Variants in GAK observed in about 807,000 individuals in gnomAD.
GAK encodes cyclin G associated kinase.
In GAK, 79 loss-of-function variants were observed where a neutral mutation model predicts 143.9. The ratio of observed to expected loss-of-function variants is 0.55; its 90% CI spans 0.46 to 0.66. The LOEUF (loss-of-function observed/expected upper bound fraction) is 0.66, where lower values mean the gene tolerates loss of function less well. Among genes scored for constraint, GAK ranks in the 30% least tolerant of loss-of-function variants. The pLI is 0.00. For missense variants in GAK, 1,693 were observed against 1,779.7 expected (o/e 0.95, Z 0.88); for synonymous variants, 881 against 765.5 (o/e 1.15, Z -2.49).
At chr4:906,523 C>T (rs534403002) in intron 4 of GAK, among the ~76,000 whole-genome samples, 2 of 152,150 alleles carry the variant, frequency 1.3e-5, no homozygotes, top group Non-Finnish European at 2.9e-5. Context: ...CACCCCAGCA[C>T]CCCTATGCAG....
intron 23 of GAK, among the ~76,000 whole-genome samples, chr4:860,015 C>G (rs1749989886): frequency 6.6e-6 from 1 of 152,168 alleles, no homozygotes; most frequent in Admixed American, 6.5e-5. Context: ...TGGAATCTAT[C>G]TAAAATGTGA....
chr4:932,217 C>T lies in GAK; in HGVS notation c.-30G>A. ...GTGGCTGCGCCGCACCCCGCGGCAG[C>T]CGGAGTGGTCGGGCTCGGGCTCCCG... On this transcript the variant is annotated 5_prime_UTR_variant, in exon 1 of 28. Coordinates refer to ENST00000314167, the MANE Select transcript of GAK (RefSeq NM_005255.4). This position sits in a 1 kb window ranked among gnomAD's most constrained non-coding sequence, Gnocchi z 4.0. The T allele has an allele frequency of 1.3e-6, 2 of 1,511,224 alleles. No homozygotes were observed. The highest frequency in any genetic ancestry group is 1.8e-6 in the Non-Finnish European group (2 of 1,133,210). 93.6% of individuals were successfully genotyped at this position (1,511,224 alleles called of 1,614,324 possible).
At chr4:867,889 A>G (rs1751499092) in intron 20 of GAK, among the ~76,000 whole-genome samples, 1 of 152,234 alleles carries the variant, frequency 6.6e-6, no homozygotes, top group Non-Finnish European at 1.5e-5. Context: ...CTCTGCCTCA[A>G]GGGTCTGCCT....
At position 932,107 on chromosome 4, in the gene GAK, G is replaced by C; in HGVS notation, c.81C>G (p.Asp27Glu). The C allele has an allele frequency of 6.2e-7, 1 of 1,600,062 alleles. No homozygotes were observed. Among genetic ancestry groups the C allele is most frequent in the Non-Finnish European group, 8.5e-7 (1 of 1,174,172 alleles). Residue 27 changes from aspartate to glutamate, a missense_variant, in exon 1 of 28, where the codon GAC becomes GAG. Asp to Glu is a conservative substitution (Grantham distance 45). Coordinates refer to ENST00000314167, the MANE Select transcript of GAK (RefSeq NM_005255.4). This position sits in a 1 kb window ranked among gnomAD's most constrained non-coding sequence, Gnocchi z 4.0. The part of the protein sequence containing the change: ...LGGASGRDQS[D>E]FVGQTVELGE... Reference sequence around the variant, plus strand: ...CCAGTTCCACCGTCTGCCCCACGAAGTCACTCTGGTCGCGGCCGGAAGCAC... The same window carrying C: ...CCAGTTCCACCGTCTGCCCCACGAACTCACTCTGGTCGCGGCCGGAAGCAC...
At chr4:880,692 C>T (rs1303663010) in intron 15 of GAK, among the ~76,000 whole-genome samples, 1 of 152,220 alleles carries the variant, frequency 6.6e-6, no homozygotes, top group African/African-American at 2.4e-5. Flanking sequence ...CACACACCTC[C>T]TCCCACAGGC....
intron 9 of GAK, 30 bp from the exon 10 acceptor site, chr4:890,652 C>T: frequency 6.3e-7 from 1 of 1,576,796 alleles, no homozygotes; most frequent in Non-Finnish European, 8.7e-7. Context: ...GAGGTCAGTT[C>T]TCTAAACTGA....
chr4:881,890 G>C lies in GAK; in HGVS notation c.1661+17C>G, dbSNP rs781409648. The C allele has an allele frequency of 2.6e-6, 4 of 1,565,602 alleles. No homozygotes were observed. The South Asian group carries it at 3.5e-5, about 14-fold the overall frequency. On this transcript the variant is annotated intron_variant, in intron 15 of 27. Coordinates refer to ENST00000314167, the MANE Select transcript of GAK (RefSeq NM_005255.4). ...GCCCACAGAGCTGTCCCCTGTCCCCGGAGGGCCACGCAGTACCTTTTGTGG... is the reference window on the plus strand; with the variant it reads ...GCCCACAGAGCTGTCCCCTGTCCCCCGAGGGCCACGCAGTACCTTTTGTGG...
At chr4:921,579 T>C (rs921479793) in intron 1 of GAK, among the ~76,000 whole-genome samples, 4 of 151,878 alleles carry the variant, frequency 2.6e-5, no homozygotes, top group African/African-American at 4.8e-5. Flanking sequence ...ATCTTCAAGA[T>C]AAAGAGCTAA....
intron 5 of GAK, among the ~76,000 whole-genome samples, chr4:903,364 G>T (rs1488108207): frequency 6.6e-6 from 1 of 152,226 alleles, no homozygotes; most frequent in East Asian, 1.9e-4. Flanking sequence ...GCAGTGGGGG[G>T]ACAGTCAGGA....
At chr4:898,254 C>T (rs568569142) in intron 5 of GAK, 96 bp from the exon 6 acceptor site, 65 of 1,444,866 alleles carry the variant, frequency 4.5e-5, no homozygotes, top group African/African-American at 3.3e-4. Context: ...CAGGGCCCTT[C>T]GCAGACAGCA....
intron 1 of GAK, among the ~76,000 whole-genome samples, chr4:929,344 C>T (rs904665891): frequency 8.5e-5 from 13 of 152,210 alleles, no homozygotes; most frequent in Admixed American, 4.6e-4. Flanking sequence ...GACGGCTGTG[C>T]GGCATCGTTT....
In GAK at chr4:911,769, G is replaced by C. The variant is rs144020930; in HGVS notation, c.286C>G (p.Pro96Ala). Residue 96 changes from proline to alanine, a missense_variant, in exon 4 of 28, where the codon CCG becomes GCG. Physicochemically the swap from Pro to Ala is conservative, Grantham distance 27. Transcript: ENST00000314167. Reference sequence around the variant, plus strand: ...GCAGAACAAAACTGGACAATGTTCGGGTGGCCGGAAAGCTTTTTCTGCAGT... The same window carrying C: ...GCAGAACAAAACTGGACAATGTTCGCGTGGCCGGAAAGCTTTTTCTGCAGT... ...VCFMKKLSGHPNIVQFCSAAS... is the reference protein window; with the variant it reads ...VCFMKKLSGHANIVQFCSAAS... 6.2e-7 allele frequency: 1 copy of C among 1,613,936 alleles called. No homozygotes were observed. Among genetic ancestry groups the C allele is most frequent in the African/African-American group, 1.3e-5 (1 of 75,058 alleles).
In GAK at chr4:893,451, T is replaced by C. The variant is rs1318529908; in HGVS notation, c.916A>G (p.Ile306Val). The C allele has an allele frequency of 3.1e-6, 5 of 1,591,492 alleles. No homozygotes were observed. In the African/African-American group the frequency reaches 4.1e-5, roughly 13 times the overall value. The change falls in exon 9 of 28, where the codon ATC (isoleucine) becomes GTC (valine). Residue 306 changes from isoleucine to valine, a missense_variant. By Grantham distance (29) the Ile-to-Val change is conservative. This residue lies in a region of GAK where 871 missense variants were observed against 991.0 expected (regional missense o/e 0.88). Transcript: ENST00000314167. ...LQVNPEERLS[I>V]AEVVHQLQEI... is the part of the protein sequence containing the mutation. ...TGCAGCTGGTGCACCACCTCGGCGA[T>C]GGACAGCCGCTCCTCCGGGTTCACC...
At chr4:899,502 T>C (rs1229284842) in intron 5 of GAK, among the ~76,000 whole-genome samples, 1 of 151,850 alleles carries the variant, frequency 6.6e-6, no homozygotes, top group Admixed American at 6.6e-5. Flanking sequence ...GCGGTCAGTA[T>C]GGGCTCACAC....
At chr4:875,920 G>A (rs62297063) in intron 18 of GAK, among the ~76,000 whole-genome samples, 12,938 of 152,252 alleles carry the variant, frequency 0.085, 757 homozygotes, top group South Asian at 0.18. Flanking sequence ...CGGCCTGGGC[G>A]TTAGAGCGAG....
intron 1 of GAK, among the ~76,000 whole-genome samples, chr4:925,988 C>T (rs944184636): frequency 6.6e-6 from 1 of 152,140 alleles, no homozygotes; most frequent in Non-Finnish European, 1.5e-5. Context: ...ACTGTCACCT[C>T]CCCCAGTGGT....
chr4:928,037 G>C (rs1409519313), intron 1 of GAK, among the ~76,000 whole-genome samples: 2 of 152,184 alleles, frequency 1.3e-5, no homozygotes, highest in South Asian at 2.1e-4. Flanking sequence ...CGGCTACAAG[G>C]CTGGCTCGCC....
At chr4:867,461 A>G (rs965515432) in intron 20 of GAK, 29 bp from the exon 21 acceptor site, 4 of 1,488,864 alleles carry the variant, frequency 2.7e-6, no homozygotes, top group Non-Finnish European at 3.6e-6. Context: ...ACCACAGGCT[A>G]GTGAGACCAC....
At chr4:910,032 T>A (rs1721770015) in intron 4 of GAK, among the ~76,000 whole-genome samples, 1 of 151,766 alleles carries the variant, frequency 6.6e-6, no homozygotes, top group African/African-American at 2.4e-5. Flanking sequence ...CAGAGGGGCC[T>A]GGGCCAGCTG....
Sources: gnomAD v4.1 joint callset for allele counts (sites outside exome capture counted in the v4.1 genomes callset) on GRCh38, gnomAD v4.1.1 for gene constraint, gnomAD v4.1.1 regional missense constraint, Gnocchi (gnomAD v3.1) non-coding constraint, MANE v1.5 for transcripts, NCBI Gene and HGNC (gene_info 2026-07-23, HGNC 2026-07-21) for gene names.